MYO9A: variants seen among roughly 807,000 people sequenced by gnomAD.
MYO9A encodes myosin IXA.
MYO9A carries 103 observed loss-of-function variants against 293.3 expected under a neutral mutation model. The observed-to-expected ratio is 0.35, with a 90% confidence interval of 0.30 to 0.41. The LOEUF (loss-of-function observed/expected upper bound fraction) is 0.41. Ranked by LOEUF, MYO9A falls within the 10% of genes least tolerant of loss-of-function variation. The pLI, the probability that MYO9A is intolerant of heterozygous loss-of-function variation, is 1.00. For synonymous variants in MYO9A, 1,001 were observed against 1,035.7 expected (o/e 0.97, Z 0.64); for missense variants, 2,685 against 3,033.0 (o/e 0.89, Z 2.69).
rs2057372191 is a variant in MYO9A, at chr15:71,897,762, C to T, written c.4741G>A (p.Asp1581Asn). The T allele has an allele frequency of 6.2e-7, 1 of 1,614,042 alleles. No individual in the cohort carries two copies. The highest frequency in any genetic ancestry group is 2.2e-5 in the East Asian group (1 of 44,872). ...CTGTCTTTTTGGGCAAGAGCTGCAT[C>T]TTTTAATGATAGGGACCCCAGTACA... Reference protein sequence around the residue: ...LNVLGSLSLKDAALAQKDSSS... With the variant: ...LNVLGSLSLKNAALAQKDSSS... Residue 1581 changes from aspartate to asparagine, a missense_variant, in exon 25 of 42, where the codon GAT (aspartate) becomes AAT (asparagine). By Grantham distance (23) the Asp-to-Asn change is conservative (BLOSUM62 1). Coordinates refer to ENST00000356056, the MANE Select transcript of MYO9A (RefSeq NM_006901.4).
intron 32 of MYO9A, among the ~76,000 whole-genome samples, chr15:71,863,403 T>C (rs1488788796): frequency 6.6e-6 from 1 of 151,892 alleles, no homozygotes; most frequent in Non-Finnish European, 1.5e-5. Flanking sequence ...AAATGAACAA[T>C]AAATGTATTA....
intron 38 of MYO9A, among the ~76,000 whole-genome samples, chr15:71,849,614 A>T (rs188651906): frequency 6.6e-6 from 1 of 151,286 alleles, no homozygotes; most frequent in East Asian, 1.9e-4. Context: ...GATTGAGGAG[A>T]GCAAAAGAAA....
rs377059293 is a variant in MYO9A at position 71,910,119 on chromosome 15, TATATACAC to T, written c.2686-5121_2686-5114del. ...ATATATACGTATATATATACGTGTA[TATATACAC>T]GTGTATATATATATACGTGTGTGTG... On this transcript the variant is annotated intron_variant, in intron 19 of 41. Coordinates refer to ENST00000356056, the MANE Select transcript of MYO9A (RefSeq NM_006901.4). Among the ~76,000 whole-genome samples the T allele has an allele frequency of 1.4e-3, 209 of 145,130 alleles. 1 individual carries two copies. Among genetic ancestry groups the T allele is most frequent in the Non-Finnish European group, 2.3e-3 (154 of 66,190 alleles).
intron 11 of MYO9A, among the ~76,000 whole-genome samples, chr15:71,990,610 GC>G (rs990339915): frequency 1.3e-5 from 2 of 151,956 alleles, no homozygotes; most frequent in African/African-American, 4.8e-5. Flanking sequence ...AAAAAAATTA[GC>G]CGGGCATGGT....
chr15:71,978,093 G>A (rs1464939378), intron 12 of MYO9A, 78 bp downstream of exon 12: 2 of 1,519,202 alleles, frequency 1.3e-6, no homozygotes, highest in South Asian at 1.2e-5. Context: ...ATTTGGTAAT[G>A]TAAGAAAAAA....
At chr15:71,851,986 C>T (rs1229564154) in intron 36 of MYO9A, 146 bp downstream of exon 36, 2 of 935,892 alleles carry the variant, frequency 2.1e-6, no homozygotes. Flanking sequence ...TGACAGTATA[C>T]TAGCCGTTTT....
intron 39 of MYO9A, chr15:71,847,308 C>A: frequency 2.9e-6 from 1 of 348,688 alleles, no homozygotes; most frequent in Non-Finnish European, 6.5e-6. Context: ...TGGGGCCGAA[C>A]ATGGAGGGTG....
chr15:72,041,924 A>C (rs1566975751), intron 2 of MYO9A, among the ~76,000 whole-genome samples: 1 of 151,696 alleles, frequency 6.6e-6, no homozygotes, highest in Non-Finnish European at 1.5e-5. Context: ...ATAACTCTAT[A>C]TCTACTTTTA....
chr15:71,889,509 G>A (rs1009722893), intron 26 of MYO9A: 6 of 138,070 alleles, frequency 4.3e-5, no homozygotes, highest in African/African-American at 1.4e-4. Flanking sequence ...AGGCTGGAGT[G>A]CAGTGGTACA....
chr15:72,096,920 T>C (rs963153423), intron 1 of MYO9A, among the ~76,000 whole-genome samples: 6 of 152,162 alleles, frequency 3.9e-5, no homozygotes, highest in Admixed American at 6.5e-5. Context: ...AAATGGAGCC[T>C]AAAGATATGA....
intron 11 of MYO9A, among the ~76,000 whole-genome samples, chr15:71,987,038 T>C (rs1303075957): frequency 6.6e-6 from 1 of 152,220 alleles, no homozygotes; most frequent in Non-Finnish European, 1.5e-5. Flanking sequence ...GTATCTTTTC[T>C]ATGTTTAGAT....
At chr15:72,046,875 C>T (rs1006600495) in intron 1 of MYO9A, among the ~76,000 whole-genome samples, 6 of 152,074 alleles carry the variant, frequency 3.9e-5, no homozygotes, top group Non-Finnish European at 8.8e-5. Flanking sequence ...TTTTATTATA[C>T]AAAAATCCAA....
Position 72,032,503 on chromosome 15 carries a change from G to A in MYO9A, c.926C>T (p.Thr309Ile). The change falls in exon 3 of 42, where the codon ACT becomes ATT. Residue 309 changes from threonine (T) to isoleucine (I), a missense_variant. By Grantham distance (89) the Thr-to-Ile change is moderately conservative (BLOSUM62 -1). This residue lies in a region of MYO9A where 289 missense variants were observed against 456.8 expected (regional missense o/e 0.63). Coordinates refer to ENST00000356056, the MANE Select transcript of MYO9A (RefSeq NM_006901.4). Reference protein sequence around the residue: ...FIQVNYQETGTVLGAYVEKYL... With the variant: ...FIQVNYQETGIVLGAYVEKYL... ...AAGTAGCAGTACTTACCCAAGTACA[G>A]TGCCTGTTTCCTGGTAATTTACTTG... is the stretch of plus-strand genomic sequence containing the variant. The A allele has an allele frequency of 1.2e-6, 2 of 1,601,902 alleles. No individual in the cohort carries two copies. Among genetic ancestry groups the A allele is most frequent in the Non-Finnish European group, 1.7e-6 (2 of 1,173,996 alleles).
In MYO9A at chr15:72,020,925, A is replaced by G. The variant is rs1256963982; in HGVS notation, c.1091T>C (p.Leu364Pro). ...CTTTTTATGAACTCTCACCTGATTGAGATAATGATATTCCTCTGGTTGCTT... is the reference window on the plus strand; with the variant it reads ...CTTTTTATGAACTCTCACCTGATTGGGATAATGATATTCCTCTGGTTGCTT... ...HLKQPEEYHY[L>P]NQITKKPLRQ... Residue 364 changes from leucine (L) to proline (P), a missense_variant, in exon 5 of 42, where the codon CTC becomes CCC. Around this residue, in one of 10 missense-constraint regions of MYO9A, gnomAD observed 289 missense variants for 456.8 expected, o/e 0.63. Transcript: ENST00000356056. 1 of 1,523,148 alleles carries G rather than the reference A, an allele frequency of 6.6e-7. No individual in the cohort carries two copies. The allele number at this position is 1,523,148 out of a possible 1,614,324, so 94.4% of individuals were successfully genotyped here. A position where few individuals can be genotyped will look rare whatever the true frequency, so the allele number is the denominator to read the frequency against.
intron 11 of MYO9A, among the ~76,000 whole-genome samples, chr15:71,981,495 T>C (rs1266483770): frequency 1.3e-5 from 2 of 152,244 alleles, no homozygotes; most frequent in Non-Finnish European, 2.9e-5. Context: ...TCTATGTCAG[T>C]TTTGAAAAGC....
In MYO9A at chr15:71,959,876, T is replaced by C. The variant is rs754800231; in HGVS notation, c.2182+25A>G. 10 of 1,540,230 alleles carry C rather than the reference T, an allele frequency of 6.5e-6. No individual in the cohort carries two copies. In the South Asian group the frequency reaches 1.0e-4, roughly 16 times the overall value. ...AAAAAAAAAAAAAGATGAAGTATGG[T>C]AGAATACTAATAACTACTACTTACC... On this transcript the variant is annotated intron_variant, in intron 14 of 41. Transcript: ENST00000356056.
chr15:71,826,445 G>C lies in MYO9A; in HGVS notation c.*135C>G. Reference sequence around the variant, plus strand: ...GAGGCCCAGGAATTCAGCACATACAGTCTTAGCCATATGCTTAGAAAAGAG... The same window carrying C: ...GAGGCCCAGGAATTCAGCACATACACTCTTAGCCATATGCTTAGAAAAGAG... On this transcript the variant is annotated 3_prime_UTR_variant, in exon 42 of 42. Transcript: ENST00000356056. The C allele has an allele frequency of 1.2e-6, 1 of 862,308 alleles. No individual in the cohort carries two copies. Among genetic ancestry groups the C allele is most frequent in the East Asian group, 2.6e-5 (1 of 38,354 alleles). 53.4% of individuals were successfully genotyped at this position (862,308 alleles called of 1,614,324 possible).
At chr15:71,842,937 C>T (rs34454276) in intron 39 of MYO9A, among the ~76,000 whole-genome samples, 2,115 of 149,590 alleles carry the variant, frequency 0.014, 26 homozygotes, top group East Asian at 0.023. Context: ...GTGTATGGGG[C>T]GGGGGGTGGT....
intron 23 of MYO9A, 114 bp from the exon 24 acceptor site, chr15:71,900,120 G>T: frequency 9.2e-7 from 1 of 1,087,742 alleles, no homozygotes; most frequent in South Asian, 1.7e-5. Context: ...TGGCTATGCA[G>T]CTAAATTCTT....
Sources: allele counts gnomAD v4.1 joint callset (sites outside exome capture counted in the v4.1 genomes callset), GRCh38; gene constraint gnomAD v4.1.1; regional missense constraint gnomAD v4.1.1; transcripts MANE v1.5; gene names NCBI Gene and HGNC (gene_info 2026-07-23, HGNC 2026-07-21).